The following PDHB variants were observed in gnomAD, a reference collection of about 807,000 sequenced individuals.
The protein encoded by PDHB is pyruvate dehydrogenase E1 subunit beta.
In PDHB, 17 loss-of-function variants were observed where a neutral mutation model predicts 42.8. The ratio of observed to expected loss-of-function variants is 0.40; its 90% CI spans 0.27 to 0.60. PDHB has a LOEUF of 0.60. Ranked by LOEUF, PDHB falls within the 20% of genes least tolerant of loss-of-function variation. The probability of loss-of-function intolerance (pLI) is 0.46; values close to 1 mark genes in which losing one functional copy is unlikely to be tolerated. For missense variants in PDHB, 322 were observed against 451.3 expected (o/e 0.71, Z 2.60); for synonymous variants, 154 against 148.7 (o/e 1.04, Z -0.26).
chr3:58,430,050 CAG>C (rs1327439056), intron 7 of PDHB, 76 bp downstream of exon 7: 5 of 877,078 alleles, frequency 5.7e-6, no homozygotes, highest in Non-Finnish European at 9.6e-6. Flanking sequence ...AAGTAAATGA[CAG>C]TAACTTCTAG....
At position 58,427,799 on chromosome 3, in the gene PDHB, T is replaced by C. The variant is rs2062881858; in HGVS notation, c.*235A>G. The C allele has an allele frequency of 1.7e-6, 1 of 586,748 alleles. No homozygotes were observed. The highest frequency in any genetic ancestry group is 1.5e-5 in the South Asian group (1 of 65,670). 36.3% of individuals were successfully genotyped at this position (586,748 alleles called of 1,614,324 possible). ...GAGAGAGGATAAAATGTTATATAAT[T>C]TGTTATTCAAAGAACATGGCAACCG... On this transcript the variant is annotated 3_prime_UTR_variant, in exon 10 of 10. Coordinates refer to ENST00000302746, the MANE Select transcript of PDHB (RefSeq NM_000925.4).
At chr3:58,430,344 A>G (rs2062909612) in intron 6 of PDHB, 106 bp from the exon 7 acceptor site, 1 of 812,288 alleles carries the variant, frequency 1.2e-6, no homozygotes, top group Non-Finnish European at 2.0e-6. Context: ...CATTGTGCTG[A>G]TTAGCCTTAT....
At chr3:58,432,428 G>A (rs1219153114) in intron 2 of PDHB, 2 of 231,392 alleles carry the variant, frequency 8.6e-6, no homozygotes, top group Admixed American at 1.1e-4. Context: ...CAGGCACGGT[G>A]GCTCACACCT....
Position 58,428,264 on chromosome 3 carries a change from G to A in PDHB, c.935-85C>T, listed in dbSNP as rs865815882. 70 of 1,361,846 alleles carry A rather than the reference G, an allele frequency of 5.1e-5. No homozygotes were observed. In the Middle Eastern group the frequency reaches 1.2e-3, roughly 24 times the overall value. The allele number at this position is 1,361,846 out of a possible 1,614,324, so 84.4% of individuals were successfully genotyped here. A position where few individuals can be genotyped will look rare whatever the true frequency, so the allele number is the denominator to read the frequency against. ...GCACAGAGGTGTGGCTGACCAGGAAGAGAAAATGTAAGGAATGCTAATTAT... is the reference window on the plus strand; with the variant it reads ...GCACAGAGGTGTGGCTGACCAGGAAAAGAAAATGTAAGGAATGCTAATTAT... On this transcript the variant is annotated intron_variant, in intron 9 of 9. Transcript: ENST00000302746.
At chr3:58,428,452 G>A in intron 9 of PDHB, 21 bp downstream of exon 9, 1 of 1,612,816 alleles carries the variant, frequency 6.2e-7, no homozygotes, top group Non-Finnish European at 8.5e-7. Context: ...CTGTATTCTA[G>A]AACCAGTTTC....
chr3:58,431,366 T>A lies in PDHB; in HGVS notation c.303+227A>T. On this transcript the variant is annotated intron_variant, in intron 5 of 9. Transcript: ENST00000302746. The surrounding 1 kb of genome is among the most constrained non-coding windows in gnomAD (Gnocchi z 4.4). ...GAGTTCAAGACCAGCCTGGCCAACA[T>A]GGTAAAACCCCATCTCTACTAAAAA... is the stretch of plus-strand genomic sequence containing the variant. The A allele has an allele frequency of 1.9e-6, 1 of 530,720 alleles. No individual in the cohort carries two copies. Among genetic ancestry groups the A allele is most frequent in the South Asian group, 2.1e-5 (1 of 48,406 alleles). 32.9% of individuals were successfully genotyped at this position (530,720 alleles called of 1,614,324 possible).
At chr3:58,430,597 G>A (rs117036213) in intron 6 of PDHB, 60 bp downstream of exon 6, 1 of 1,358,986 alleles carries the variant, frequency 7.4e-7, no homozygotes, top group East Asian at 2.3e-5. Context: ...TTTCCTCTGT[G>A]CAAATATATC....
intron 2 of PDHB, chr3:58,432,326 T>G: frequency 8.4e-6 from 3 of 355,150 alleles, no homozygotes; most frequent in Non-Finnish European, 1.6e-5. Flanking sequence ...CACTTCTATG[T>G]ATATGCCCCA....
rs371641536 is a variant in PDHB, at chr3:58,429,666, G to A, written c.792+42C>T. On this transcript the variant is annotated intron_variant, in intron 8 of 9. Transcript: ENST00000302746. ...CTCTTCTGGGTCTTAAATCTAAAAG[G>A]AGCCCTTCTAATTCTTTAAGAACAA... 7 of 1,176,358 alleles carry A rather than the reference G, an allele frequency of 6.0e-6. No individual in the cohort carries two copies. In the South Asian group the frequency reaches 8.5e-5, roughly 14 times the overall value. 72.9% of individuals were successfully genotyped at this position (1,176,358 alleles called of 1,614,324 possible).
rs550325164 is a variant in PDHB, at chr3:58,433,590, A to G, written c.96+41T>C. The G allele has an allele frequency of 8.2e-6, 13 of 1,578,462 alleles. No individual in the cohort carries two copies. The African/African-American group carries it at 1.6e-4, about 20-fold the overall frequency. On this transcript the variant is annotated intron_variant, in intron 2 of 9. Coordinates refer to ENST00000302746, the MANE Select transcript of PDHB (RefSeq NM_000925.4). ...GGCCTCCTTCCCGAGAGAAGGGGGG[A>G]CCCTCCCCGCCCTCGTCCGACGAGC... is the stretch of plus-strand genomic sequence containing the variant.
At chr3:58,430,279 T>C in intron 6 of PDHB, 41 bp from the exon 7 acceptor site, 1 of 1,293,898 alleles carries the variant, frequency 7.7e-7, no homozygotes, top group Non-Finnish European at 1.1e-6. Flanking sequence ...ATTAATCACA[T>C]CCAGAATGAC....
chr3:58,428,201 TGA>T (rs748951756), intron 9 of PDHB, 22 bp from the exon 10 acceptor site: 6 of 1,612,954 alleles, frequency 3.7e-6, no homozygotes, highest in Non-Finnish European at 5.1e-6. Context: ...AAGGCTCAAC[TGA>T]GAGAGTGCAA....
At chr3:58,433,401 C>G (rs2062940824) in intron 2 of PDHB, 2 of 600,568 alleles carry the variant, frequency 3.3e-6, no homozygotes, top group Admixed American at 5.9e-5. Flanking sequence ...GGAGGAAACG[C>G]CTAGTCTTAG....
At chr3:58,429,283 T>C (rs754822522) in intron 8 of PDHB, among the ~76,000 whole-genome samples, 5 of 152,162 alleles carry the variant, frequency 3.3e-5, no homozygotes, top group Admixed American at 6.6e-5. Flanking sequence ...AGTATATAAC[T>C]TGCCCAAGTA....
At position 58,433,817 on chromosome 3, in the gene PDHB, G is replaced by A; in HGVS notation, c.-8C>T. 2 of 1,609,934 alleles carry A rather than the reference G, an allele frequency of 1.2e-6. No homozygotes were observed. Among genetic ancestry groups the A allele is most frequent in the Non-Finnish European group, 1.7e-6 (2 of 1,178,760 alleles). ...GCCAGACACCGCCGCCATCTTGGTC[G>A]TGTCCTCTATCCGCTGCCAAACGAC... On this transcript the variant is annotated 5_prime_UTR_variant, in exon 1 of 10. The change creates a new upstream start codon in the 5' untranslated region. Transcript: ENST00000302746.
Position 58,431,495 on chromosome 3 carries a change from C to A in PDHB, c.303+98G>T, listed in dbSNP as rs563470839. ...CCTGGAAGCTGAGATGGTGCCAGTG[C>A]ACTCCAGGCTGGACAACAGAGTGAG... On this transcript the variant is annotated intron_variant, in intron 5 of 9. Transcript: ENST00000302746. The surrounding 1 kb of genome is among the most constrained non-coding windows in gnomAD (Gnocchi z 4.4). 5 of 934,952 alleles carry A rather than the reference C, an allele frequency of 5.3e-6. No individual in the cohort carries two copies. In the Admixed American group the frequency reaches 8.8e-5, roughly 16 times the overall value. The allele number at this position is 934,952 out of a possible 1,614,324, so 57.9% of individuals were successfully genotyped here.
Position 58,430,931 on chromosome 3 carries a change from C to A in PDHB, c.315G>T (p.Arg105=). ...TGAAGGTCATAAATTCACAAATGGG[C>A]CGCAACCCAGCCTGTAAAATCAAAA... ...IAVGAAMAGL[R]PICEFMTFNF... The change falls in exon 6 of 10, where the codon CGG becomes CGT. Residue 105 remains arginine (R), a synonymous_variant. Transcript: ENST00000302746. 6.2e-7 allele frequency: 1 copy of A among 1,614,096 alleles called. No homozygotes were observed. The highest frequency in any genetic ancestry group is 8.5e-7 in the Non-Finnish European group (1 of 1,180,026).
In PDHB at chr3:58,431,035, T is replaced by C. The variant is rs1222860942; in HGVS notation, c.304-93A>G. On this transcript the variant is annotated intron_variant, in intron 5 of 9. Transcript: ENST00000302746. The surrounding 1 kb of genome is among the most constrained non-coding windows in gnomAD (Gnocchi z 4.4). ...TCCAAGTCTTCCAACATTCAAATAA[T>C]GTTTTTATTTTTTATTTTTATTTTT... 5 of 1,233,464 alleles carry C rather than the reference T, an allele frequency of 4.1e-6. No homozygotes were observed. Among genetic ancestry groups the C allele is most frequent in the South Asian group, 1.2e-5 (1 of 80,516 alleles). The allele number at this position is 1,233,464 out of a possible 1,614,324, so 76.4% of individuals were successfully genotyped here.
chr3:58,430,712 C>G lies in PDHB; in HGVS notation c.534G>C (p.Trp178Cys). Residue 178 changes from tryptophan to cysteine, a missense_variant, in exon 6 of 10, where the codon TGG becomes TGC. Physicochemically the swap from Trp to Cys is radical, Grantham distance 215. Around this residue, in one of 3 missense-constraint regions of PDHB, gnomAD observed 208 missense variants for 285.0 expected, o/e 0.73. Coordinates refer to ENST00000302746, the MANE Select transcript of PDHB (RefSeq NM_000925.4). ...HCPGLKVVSP[W>C]NSEDAKGLIK... is the part of the protein sequence containing the mutation. ...TAAGTCCTTTAGCATCCTCTGAATT[C>G]CAGGGACTGACCACCTTTAAGCCTG... is the stretch of plus-strand genomic sequence containing the variant. The G allele has an allele frequency of 1.2e-6, 2 of 1,614,100 alleles. No individual in the cohort carries two copies. Among genetic ancestry groups the G allele is most frequent in the Non-Finnish European group, 1.7e-6 (2 of 1,179,972 alleles).
Sources: gnomAD v4.1 joint callset for allele counts (sites outside exome capture counted in the v4.1 genomes callset) on GRCh38, gnomAD v4.1.1 for gene constraint, gnomAD v4.1.1 regional missense constraint, Gnocchi (gnomAD v3.1) non-coding constraint, MANE v1.5 for transcripts, NCBI Gene and HGNC (gene_info 2026-07-23, HGNC 2026-07-21) for gene names.